Variants in IL1RAPL1 observed in about 807,000 individuals in gnomAD.
IL1RAPL1 encodes the protein interleukin-1 receptor accessory protein-like 1.
IL1RAPL1 carries 3 observed loss-of-function variants against 48.4 expected under a neutral mutation model. That is an observed-to-expected ratio of 0.06 (90% confidence interval 0.03 to 0.16). The LOEUF is 0.16. Among genes scored for constraint, IL1RAPL1 ranks in the 10% least tolerant of loss-of-function variants. The pLI is 1.00. For synonymous variants in IL1RAPL1, 185 were observed against 187.7 expected (o/e 0.99, Z 0.12); for missense variants, 349 against 530.6 (o/e 0.66, Z 3.36).
At chrX:29,508,351 TA>T (rs2147764983) in intron 5 of IL1RAPL1, among the ~76,000 whole-genome samples, 1 of 111,649 alleles carries the variant, frequency 9.0e-6, no homozygotes, top group South Asian at 3.8e-4. Flanking sequence ...TTTGTGGACT[TA>T]ACTGTTCCCA....
chrX:29,912,055 T>TATTA (rs1932760776), intron 6 of IL1RAPL1, among the ~76,000 whole-genome samples: 1 of 112,400 alleles, frequency 8.9e-6, no homozygotes, highest in Admixed American at 9.5e-5. Context: ...TTTGAGTATC[T>TATTA]ATTATTTTTG....
At chrX:29,328,023 CTTT>C (rs1307765946) in intron 3 of IL1RAPL1, among the ~76,000 whole-genome samples, 3 of 111,754 alleles carry the variant, frequency 2.7e-5, no homozygotes, top group Non-Finnish European at 5.7e-5. Flanking sequence ...TTTTGTTTTC[CTTT>C]TTCATAGCAG....
chrX:28,847,014 A>G (rs1315596490), intron 2 of IL1RAPL1, among the ~76,000 whole-genome samples: 1 of 111,503 alleles, frequency 9.0e-6, no homozygotes, highest in Non-Finnish European at 1.9e-5. Flanking sequence ...ACATGTATCA[A>G]TCTGCTTAGT....
At chrX:29,658,117 A>G (rs1352788479) in intron 5 of IL1RAPL1, among the ~76,000 whole-genome samples, 1 of 112,037 alleles carries the variant, frequency 8.9e-6, no homozygotes, top group East Asian at 2.8e-4. Context: ...AGTGAAATTT[A>G]AAAATATTGA....
Position 29,595,495 on chromosome X carries a change from G to T in IL1RAPL1, c.704-72935G>T, listed in dbSNP as rs7062424. Among the ~76,000 whole-genome samples, 1,020 of 112,127 alleles carry T rather than the reference G, an allele frequency of 9.1e-3. 10 individuals are homozygous for T. The highest frequency in any genetic ancestry group is 0.032 in the African/African-American group (983 of 30,833). On this transcript the variant is annotated intron_variant, in intron 5 of 10. Transcript: ENST00000378993. ...TTGCATTTCCCTGATAATTAGTGAT[G>T]TTGAGCATTTTTCCGTATGCTTGTT...
At chrX:28,769,261 G>A (rs1203119086) in intron 1 of IL1RAPL1, among the ~76,000 whole-genome samples, 2 of 110,477 alleles carry the variant, frequency 1.8e-5, no homozygotes, top group Non-Finnish European at 3.8e-5. Context: ...AACAATACAT[G>A]GGAAAAAGTT....
chrX:29,429,608 G>A (rs1051026149), intron 5 of IL1RAPL1, among the ~76,000 whole-genome samples: 3 of 111,209 alleles, frequency 2.7e-5, no homozygotes, highest in African/African-American at 9.8e-5. Flanking sequence ...AAAATGAAAA[G>A]CAAAGGGAGC....
intron 2 of IL1RAPL1, among the ~76,000 whole-genome samples, chrX:28,925,792 G>A (rs1388021762): frequency 3.6e-5 from 4 of 110,825 alleles, no homozygotes; most frequent in Non-Finnish European, 7.6e-5. Context: ...GTGGTGGTGC[G>A]TGTCTGTAGT....
chrX:29,407,366 C>T (rs1008304442), intron 5 of IL1RAPL1, among the ~76,000 whole-genome samples: 7 of 111,980 alleles, frequency 6.3e-5, no homozygotes, highest in Admixed American at 9.5e-5. Flanking sequence ...GGTTTTGAAA[C>T]GTATAAATTA....
At chrX:29,750,113 C>G (rs747801243) in intron 6 of IL1RAPL1, among the ~76,000 whole-genome samples, 1 of 112,066 alleles carries the variant, frequency 8.9e-6, no homozygotes, top group Non-Finnish European at 1.9e-5. Flanking sequence ...ACCCAAAGAG[C>G]CTCCTTTATG....
At chrX:29,178,026 C>T (rs1319456149) in intron 2 of IL1RAPL1, among the ~76,000 whole-genome samples, 1 of 111,732 alleles carries the variant, frequency 8.9e-6, no homozygotes, top group Non-Finnish European at 1.9e-5. Context: ...CAAGTCTTTG[C>T]TATTGTGAAT....
intron 2 of IL1RAPL1, among the ~76,000 whole-genome samples, chrX:28,982,001 T>C (rs1925354679): frequency 8.9e-6 from 1 of 112,046 alleles, no homozygotes; most frequent in South Asian, 3.7e-4. Context: ...ATTAAAATCT[T>C]AAAATATACC....
At chrX:29,841,565 A>G (rs1195735946) in intron 6 of IL1RAPL1, among the ~76,000 whole-genome samples, 3 of 111,738 alleles carry the variant, frequency 2.7e-5, no homozygotes, top group Non-Finnish European at 5.6e-5. Flanking sequence ...TTGAGCAACT[A>G]TTTAGTTTAT....
chrX:28,785,372 T>C (rs1936464097), intron 1 of IL1RAPL1, among the ~76,000 whole-genome samples: 3 of 112,194 alleles, frequency 2.7e-5, no homozygotes, highest in Admixed American at 9.4e-5. Context: ...ATGATCCTCC[T>C]GCCTTGACCT....
intron 3 of IL1RAPL1, among the ~76,000 whole-genome samples, chrX:29,387,419 A>G (rs112952411): frequency 0.016 from 1,822 of 111,991 alleles, 43 homozygotes; most frequent in African/African-American, 0.056. Flanking sequence ...AAATATTATG[A>G]CCACCTTAGA....
At chrX:29,351,702 C>T (rs1035198400) in intron 3 of IL1RAPL1, among the ~76,000 whole-genome samples, 1 of 111,975 alleles carries the variant, frequency 8.9e-6, no homozygotes, top group East Asian at 2.8e-4. Flanking sequence ...TCATTCTTTG[C>T]GTAAGCAGCA....
chrX:29,201,990 C>T (rs762873880), intron 2 of IL1RAPL1, among the ~76,000 whole-genome samples: 1 of 112,231 alleles, frequency 8.9e-6, no homozygotes, highest in Non-Finnish European at 1.9e-5. Flanking sequence ...CCACCAAGCC[C>T]GACCTATTGA....
Position 29,678,603 on chromosome X carries a change from C to T in IL1RAPL1, c.778+10099C>T, listed in dbSNP as rs755986409. Among the ~76,000 whole-genome samples, 392 of 108,224 alleles carry T rather than the reference C, an allele frequency of 3.6e-3. 1 individual carries two copies. The highest frequency in any genetic ancestry group is 6.2e-3 in the Non-Finnish European group (323 of 52,325). The allele number at this position is 108,224 out of a possible 115,157, so 94.0% of individuals were successfully genotyped here. Reference sequence around the variant, plus strand: ...CAGGATGGTCTCGATCTCCTGACCTCGTGATCTGCCCGCCTCTGCCTCCCA... The same window carrying T: ...CAGGATGGTCTCGATCTCCTGACCTTGTGATCTGCCCGCCTCTGCCTCCCA... On this transcript the variant is annotated intron_variant, in intron 6 of 10. Coordinates refer to ENST00000378993, the MANE Select transcript of IL1RAPL1 (RefSeq NM_014271.4).
chrX:29,615,208 T>C (rs1371122760), intron 5 of IL1RAPL1, among the ~76,000 whole-genome samples: 3 of 111,576 alleles, frequency 2.7e-5, no homozygotes, highest in African/African-American at 9.8e-5. Context: ...ACGGGAAAAA[T>C]CGAAAAACAA....
Sources: gnomAD v4.1 joint callset for allele counts (sites outside exome capture counted in the v4.1 genomes callset) on GRCh38, gnomAD v4.1.1 for gene constraint, MANE v1.5 for transcripts, NCBI Gene and HGNC (gene_info 2026-07-23, HGNC 2026-07-21) for gene names.